The following BSPH1 variants were observed in gnomAD, a reference collection of about 807,000 sequenced individuals.
BSPH1 encodes the protein binder of sperm protein homolog 1.
Under a neutral mutation model 22.5 loss-of-function variants are expected in BSPH1, and 21 were observed. The ratio of observed to expected loss-of-function variants is 0.93; its 90% CI spans 0.66 to 1.35. The LOEUF is 1.35. Among genes scored for constraint, BSPH1 ranks in the 40% most tolerant of loss-of-function variants. BSPH1 has a pLI of 0.00. For missense variants in BSPH1, 141 were observed against 154.2 expected (o/e 0.91, Z 0.45); for synonymous variants, 42 against 53.6 (o/e 0.78, Z 0.95).
intron 1 of BSPH1, among the ~76,000 whole-genome samples, chr19:47,988,731 T>C (rs1168051856): frequency 6.6e-6 from 1 of 151,794 alleles, no homozygotes; most frequent in African/African-American, 2.4e-5. Flanking sequence ...GAGTTCTGGG[T>C]GCACGAAGCA....
At chr19:47,972,280 C>CTTTTTTTTTTTTTTTTTTTTT (rs71181620) in intron 5 of BSPH1, among the ~76,000 whole-genome samples, 1 of 136,800 alleles carries the variant, frequency 7.3e-6, no homozygotes. Flanking sequence ...CCTTGATATT[C>CTTTTTTTTTTTTTTTTTTTTT]TTTTTTTTTT....
Position 47,974,255 on chromosome 19 carries a change from T to TTC in BSPH1, c.*2+2453_*2+2454dup, listed in dbSNP as rs757548658. ...TGGATTGGTCACTTCCACAGCCACTTTCTCTCTCTCTCTCTTTTTTTTTTT... is the reference window on the plus strand; with the variant it reads ...TGGATTGGTCACTTCCACAGCCACTTTCTCTCTCTCTCTCTCTTTTTTTTTTT... On this transcript the variant is annotated intron_variant, in intron 5 of 5. Coordinates refer to ENST00000344839, the MANE Select transcript of BSPH1 (RefSeq NM_001128326.2). Among the ~76,000 whole-genome samples, 330 of 133,484 alleles carry TTC rather than the reference T, an allele frequency of 2.5e-3. 5 individuals carry two copies. Among genetic ancestry groups the TTC allele is most frequent in the African/African-American group, 6.1e-3 (186 of 30,606 alleles). 87.6% of individuals were successfully genotyped at this position (133,484 alleles called of 152,430 possible).
intron 1 of BSPH1, among the ~76,000 whole-genome samples, chr19:47,988,453 C>T (rs1359628528): frequency 5.3e-5 from 8 of 152,064 alleles, no homozygotes; most frequent in Admixed American, 4.6e-4. Context: ...TTGGTTGGAA[C>T]CCGGAGATGC....
At chr19:47,989,137 A>ATTATTG (rs1969499750) in intron 1 of BSPH1, among the ~76,000 whole-genome samples, 1 of 146,584 alleles carries the variant, frequency 6.8e-6, no homozygotes, top group Non-Finnish European at 1.5e-5. Flanking sequence ...TATTATTATT[A>ATTATTG]TTATTATTAT....
chr19:47,977,518 A>T lies in BSPH1; in HGVS notation c.125-14T>A. 6.4e-7 allele frequency: 1 copy of T among 1,551,178 alleles called. No individual in the cohort carries two copies. Among genetic ancestry groups the T allele is most frequent in the Non-Finnish European group, 8.7e-7 (1 of 1,146,790 alleles). On this transcript the variant is annotated splice_polypyrimidine_tract_variant and intron_variant, in intron 3 of 5. Coordinates refer to ENST00000344839, the MANE Select transcript of BSPH1 (RefSeq NM_001128326.2). Reference sequence around the variant, plus strand: ...CACACTCCCCATCTAGAGAAAACAAAATTCTTCCTCTGTTTCTGGGTGTGT... The same window carrying T: ...CACACTCCCCATCTAGAGAAAACAATATTCTTCCTCTGTTTCTGGGTGTGT...
intron 1 of BSPH1, among the ~76,000 whole-genome samples, chr19:47,988,810 A>G (rs1322135286): frequency 6.6e-6 from 1 of 152,066 alleles, no homozygotes; most frequent in Non-Finnish European, 1.5e-5. Flanking sequence ...CCCTTAGGCA[A>G]CCCATCAAGT....
intron 1 of BSPH1, among the ~76,000 whole-genome samples, chr19:47,983,738 C>T (rs1041870692): frequency 2.0e-5 from 3 of 152,094 alleles, no homozygotes; most frequent in East Asian, 1.9e-4. Flanking sequence ...AAAATGAAGC[C>T]GGTCACTTTG....
chr19:47,991,932 C>T, intron 1 of BSPH1, 77 bp downstream of exon 1: 2 of 931,342 alleles, frequency 2.1e-6, no homozygotes, highest in Non-Finnish European at 3.4e-6. Flanking sequence ...CCACCTTCTC[C>T]CTCCTTCCTT....
At chr19:47,980,771 C>T in intron 2 of BSPH1, 150 bp downstream of exon 2, 1 of 515,636 alleles carries the variant, frequency 1.9e-6, no homozygotes, top group Non-Finnish European at 3.5e-6. Flanking sequence ...ACATTTTTAA[C>T]ATGAAATTTA....
At chr19:47,984,505 T>G (rs906609654) in intron 1 of BSPH1, among the ~76,000 whole-genome samples, 1 of 152,078 alleles carries the variant, frequency 6.6e-6, no homozygotes, top group East Asian at 1.9e-4. Context: ...ATACCCTTAT[T>G]TGAAATAAAA....
At chr19:47,985,819 G>C (rs754628735) in intron 1 of BSPH1, among the ~76,000 whole-genome samples, 7 of 144,472 alleles carry the variant, frequency 4.8e-5, no homozygotes, top group Non-Finnish European at 9.0e-5. Context: ...TGAGTGACAG[G>C]GCAAGACTTT....
At chr19:47,979,690 T>C in intron 2 of BSPH1, 91 bp from the exon 3 acceptor site, 1 of 585,174 alleles carries the variant, frequency 1.7e-6, no homozygotes, top group Non-Finnish European at 2.9e-6. Flanking sequence ...ATAAAAATGT[T>C]AGTTTAGGAA....
At chr19:47,976,606 A>ACC in intron 5 of BSPH1, 104 bp downstream of exon 5, 1 of 752,150 alleles carries the variant, frequency 1.3e-6, no homozygotes, top group Non-Finnish European at 2.0e-6. Flanking sequence ...ACAAAAAAAA[A>ACC]CCCTCTCTAA....
chr19:47,974,272 T>C (rs972008257), intron 5 of BSPH1, among the ~76,000 whole-genome samples: 1 of 147,978 alleles, frequency 6.8e-6, no homozygotes, highest in Non-Finnish European at 1.5e-5. Flanking sequence ...TCTCTCTCTT[T>C]TTTTTTTTTT....
intron 5 of BSPH1, among the ~76,000 whole-genome samples, chr19:47,969,217 G>A (rs16981057): frequency 0.1 from 15,643 of 152,012 alleles, 989 homozygotes; most frequent in East Asian, 0.28. Flanking sequence ...TGGTAGACAT[G>A]GGAAAGAGAA....
chr19:47,978,356 G>A (rs715683), intron 3 of BSPH1, among the ~76,000 whole-genome samples: 102,935 of 151,472 alleles, frequency 0.68, 35,363 homozygotes, highest in African/African-American at 0.78. Flanking sequence ...TTCCTGCCTC[G>A]GCTTCCAAAA....
At chr19:47,969,486 T>A (rs934470625) in intron 5 of BSPH1, among the ~76,000 whole-genome samples, 1 of 152,156 alleles carries the variant, frequency 6.6e-6, no homozygotes, top group Admixed American at 6.5e-5. Flanking sequence ...TCATGAGGCT[T>A]TATAAGATTC....
rs186274895 is a variant in BSPH1 at position 47,978,696 on chromosome 19, C to G, written c.124+874G>C. On this transcript the variant is annotated intron_variant, in intron 3 of 5. Coordinates refer to ENST00000344839, the MANE Select transcript of BSPH1 (RefSeq NM_001128326.2). ...TACCTGAATTTTCATTAGCACGAAGCATTTACACACTTTAAAAATGTTTAC... is the reference window on the plus strand; with the variant it reads ...TACCTGAATTTTCATTAGCACGAAGGATTTACACACTTTAAAAATGTTTAC... Among the ~76,000 whole-genome samples, 4 of 152,304 alleles carry G rather than the reference C, an allele frequency of 2.6e-5. No homozygotes were observed. In the East Asian group the frequency reaches 7.7e-4, roughly 29 times the overall value.
chr19:47,976,563 A>G (rs1002497979), intron 5 of BSPH1, 147 bp downstream of exon 5: 4 of 615,218 alleles, frequency 6.5e-6, no homozygotes, highest in Non-Finnish European at 1.1e-5. Flanking sequence ...TAGTTAGATC[A>G]CCTTCAACTC....
Sources: allele counts gnomAD v4.1 joint callset (sites outside exome capture counted in the v4.1 genomes callset), GRCh38; gene constraint gnomAD v4.1.1; transcripts MANE v1.5; gene names NCBI Gene and HGNC (gene_info 2026-07-23, HGNC 2026-07-21).